The following GPR55 variants were observed in gnomAD, a reference collection of about 807,000 sequenced individuals.
GPR55 encodes the protein G protein-coupled receptor 55, also known as G-protein coupled receptor 55.
GPR55 carries 6 observed loss-of-function variants against 7.9 expected under a neutral mutation model. The observed-to-expected ratio is 0.76, with a 90% CI of 0.41 to 1.49. The LOEUF (loss-of-function observed/expected upper bound fraction) is 1.49, where lower values mean the gene tolerates loss of function less well. Among genes scored for constraint, GPR55 ranks in the 40% most tolerant of loss-of-function variants. The probability of loss-of-function intolerance (pLI) is 0.01; values close to 1 mark genes in which losing one functional copy is unlikely to be tolerated. For synonymous variants in GPR55, 183 were observed against 166.8 expected (o/e 1.10, Z -0.75); for missense variants, 376 against 406.0 (o/e 0.93, Z 0.63).
chr2:230,955,861 G>C (rs889685941), intron 1 of GPR55, among the ~76,000 whole-genome samples: 3 of 152,094 alleles, frequency 2.0e-5, no homozygotes, highest in Middle Eastern at 3.4e-3. Flanking sequence ...TGAGTAGCTG[G>C]GACTACAGGC....
At position 230,939,467 on chromosome 2, in the gene GPR55, G is replaced by A. The variant is rs183179900; in HGVS notation, c.-135+21308C>T. ...ACAGTGGTCTGGGGGTGTTCTTCTC[G>A]GAAGTGGCCCATTTTGTTGCCCTGA... On this transcript the variant is annotated intron_variant, in intron 1 of 1. Transcript: ENST00000392039. 1.2e-3 allele frequency among the ~76,000 whole-genome samples: 177 copies of A among 152,322 alleles called. 2 individuals carry two copies. Among genetic ancestry groups the A allele is most frequent in the African/African-American group, 3.8e-3 (159 of 41,562 alleles).
intron 1 of GPR55, among the ~76,000 whole-genome samples, chr2:230,948,422 G>T (rs1170792234): frequency 1.3e-5 from 2 of 152,030 alleles, no homozygotes; most frequent in Non-Finnish European, 2.9e-5. Flanking sequence ...TTCACTAATT[G>T]CAAAATAATA....
rs1690905514 is a variant in GPR55, at chr2:230,924,525, A to G, written c.-135+643T>C. On this transcript the variant is annotated intron_variant, in intron 1 of 1. Transcript: ENST00000650999. The surrounding 1 kb of genome is among the most constrained non-coding windows in gnomAD (Gnocchi z 4.5). Reference sequence around the variant, plus strand: ...GCTAGGGTTAGAGAACAATGCAGCTATAATGTAGGATAGCAACCAGGGCTT... The same window carrying G: ...GCTAGGGTTAGAGAACAATGCAGCTGTAATGTAGGATAGCAACCAGGGCTT... 1 of 152,260 alleles carries G rather than the reference A, an allele frequency of 6.6e-6. No individual in the cohort carries two copies. The highest frequency in any genetic ancestry group is 1.5e-5 in the Non-Finnish European group (1 of 68,064). 9.4% of individuals were successfully genotyped at this position (152,260 alleles called of 1,614,324 possible).
chr2:230,951,595 A>G (rs973717564), intron 1 of GPR55, among the ~76,000 whole-genome samples: 11 of 152,072 alleles, frequency 7.2e-5, no homozygotes, highest in African/African-American at 2.7e-4. Flanking sequence ...AAAATAGCCT[A>G]CCCTTTGACC....
chr2:230,958,330 T>C (rs1259562037), intron 1 of GPR55, among the ~76,000 whole-genome samples: 1 of 152,214 alleles, frequency 6.6e-6, no homozygotes, highest in Non-Finnish European at 1.5e-5. Flanking sequence ...AGACATGCAA[T>C]TGTAAAATCA....
chr2:230,960,053 G>A (rs1691545648), intron 1 of GPR55, among the ~76,000 whole-genome samples: 1 of 152,146 alleles, frequency 6.6e-6, no homozygotes, highest in South Asian at 2.1e-4. Context: ...TTAGGTGCTG[G>A]CAAGAAGCAA....
intron 1 of GPR55, among the ~76,000 whole-genome samples, chr2:230,915,405 C>G (rs1042069264): frequency 2.6e-5 from 4 of 152,166 alleles, no homozygotes; most frequent in Admixed American, 2.0e-4. Flanking sequence ...GGGTGGGTGC[C>G]TTCGCCTCCT....
At chr2:230,961,014 T>C (rs1559182807) in exon 1 of GPR55, 1 of 152,202 alleles carries the variant, frequency 6.6e-6, no homozygotes, top group Non-Finnish European at 1.5e-5. Context: ...AAAGTAACCA[T>C]TTAAAACCAT....
At chr2:230,913,464 C>T (rs767763742) in intron 1 of GPR55, among the ~76,000 whole-genome samples, 1 of 152,202 alleles carries the variant, frequency 6.6e-6, no homozygotes, top group Non-Finnish European at 1.5e-5. Context: ...ATTTAACATA[C>T]ATTACTTGAT....
chr2:230,945,794 G>A lies in GPR55; in HGVS notation c.-135+14981C>T, dbSNP rs146765174. ...TCACCGTGTTAGCCAGGATGGTCTC[G>A]ATCTACTGACCTCGTGATCCGTCCG... On this transcript the variant is annotated intron_variant, in intron 1 of 1. Transcript: ENST00000392039. 4.5e-3 allele frequency among the ~76,000 whole-genome samples: 685 copies of A among 152,222 alleles called. 5 individuals are homozygous for A. The highest frequency in any genetic ancestry group is 0.016 in the African/African-American group (649 of 41,532).
In GPR55 at chr2:230,907,393, G is replaced by GC. The variant is rs761073643; in HGVS notation, c.*2609dup. 2 of 152,240 alleles carry GC rather than the reference G, an allele frequency of 1.3e-5. No individual in the cohort carries two copies. The highest frequency in any genetic ancestry group is 2.9e-5 in the Non-Finnish European group (2 of 68,078). 9.4% of individuals were successfully genotyped at this position (152,240 alleles called of 1,614,324 possible). A position where few individuals can be genotyped will look rare whatever the true frequency, so the allele number is the denominator to read the frequency against. ...TCATTTTTTCCAAAGCTAACCGTCCGCCCCTCCTGTGCTGCTGGGCCCCAC... is the reference window on the plus strand; with the variant it reads ...TCATTTTTTCCAAAGCTAACCGTCCGCCCCCTCCTGTGCTGCTGGGCCCCAC... On this transcript the variant is annotated 3_prime_UTR_variant, in exon 2 of 2. Coordinates refer to ENST00000650999, the MANE Select transcript of GPR55 (RefSeq NM_005683.4).
intron 1 of GPR55, among the ~76,000 whole-genome samples, chr2:230,919,118 C>G (rs764990776): frequency 6.6e-6 from 1 of 152,136 alleles, no homozygotes; most frequent in Non-Finnish European, 1.5e-5. Context: ...AACTTAGAGT[C>G]TCATCTTACA....
intron 1 of GPR55, among the ~76,000 whole-genome samples, chr2:230,951,974 C>T (rs1045986946): frequency 6.6e-6 from 1 of 151,644 alleles, no homozygotes; most frequent in Non-Finnish European, 1.5e-5. Flanking sequence ...TGCTATGTTG[C>T]CCAGGCTGGT....
intron 1 of GPR55, among the ~76,000 whole-genome samples, chr2:230,940,644 C>T (rs1308704744): frequency 2.0e-5 from 3 of 152,314 alleles, no homozygotes; most frequent in Non-Finnish European, 4.4e-5. Context: ...CCAGGATTCA[C>T]AGCACCTGCC....
intron 1 of GPR55, among the ~76,000 whole-genome samples, chr2:230,947,354 C>G (rs965091686): frequency 6.6e-6 from 1 of 152,102 alleles, no homozygotes; most frequent in Admixed American, 6.5e-5. Flanking sequence ...GGCAAGAGCA[C>G]GATGAAAGAG....
intron 1 of GPR55, among the ~76,000 whole-genome samples, chr2:230,937,197 T>C (rs1450679005): frequency 6.6e-6 from 1 of 151,824 alleles, no homozygotes; most frequent in African/African-American, 2.4e-5. Flanking sequence ...AGGCCAGGAG[T>C]TTGAGACCTA....
At chr2:230,959,837 T>G (rs1232778468) in intron 1 of GPR55, among the ~76,000 whole-genome samples, 1 of 152,236 alleles carries the variant, frequency 6.6e-6, no homozygotes, top group Admixed American at 6.5e-5. Flanking sequence ...ATTTTTGTCT[T>G]TATACACTTA....
intron 1 of GPR55, among the ~76,000 whole-genome samples, chr2:230,957,380 T>G (rs1691507972): frequency 6.6e-6 from 1 of 152,156 alleles, no homozygotes; most frequent in Non-Finnish European, 1.5e-5. Context: ...TGACGGCCGG[T>G]GGTGTCTCCA....
chr2:230,940,673 G>A (rs1691211978), intron 1 of GPR55, among the ~76,000 whole-genome samples: 2 of 152,212 alleles, frequency 1.3e-5, no homozygotes, highest in Non-Finnish European at 2.9e-5. Flanking sequence ...GGCCCATGCT[G>A]CTGCTGGGTG....
Sources: gnomAD v4.1 joint callset for allele counts (sites outside exome capture counted in the v4.1 genomes callset) on GRCh38, gnomAD v4.1.1 for gene constraint, Gnocchi (gnomAD v3.1) non-coding constraint, MANE v1.5 for transcripts, NCBI Gene and HGNC (gene_info 2026-07-23, HGNC 2026-07-21) for gene names.